PRKN: variants seen among roughly 807,000 people sequenced by gnomAD.
The protein encoded by PRKN is E3 ubiquitin-protein ligase parkin.
In PRKN, 56 loss-of-function variants were observed where a neutral mutation model predicts 59.5. That is an observed-to-expected ratio of 0.94 (90% CI 0.76 to 1.18). The LOEUF (loss-of-function observed/expected upper bound fraction) is 1.18. Ranked by LOEUF, PRKN falls within the 50% of genes most tolerant of loss-of-function variation. PRKN has a pLI of 0.00. For missense variants in PRKN, 657 were observed against 596.4 expected (o/e 1.10, Z -1.06); for synonymous variants, 250 against 222.1 (o/e 1.13, Z -1.12).
chr6:162,416,176 T>C lies in PRKN; in HGVS notation c.171+27134A>G, dbSNP rs79729905. ...TACCACTGCCATAACAATGACAAAA[T>C]TGTCGAGGGTGAGTATTTGTTTGCA... On this transcript the variant is annotated intron_variant, in intron 2 of 11. Coordinates refer to ENST00000366898, the MANE Select transcript of PRKN (RefSeq NM_004562.3). Among the ~76,000 whole-genome samples the C allele has an allele frequency of 2.7e-3, 414 of 152,256 alleles. 6 individuals are homozygous for C. Among genetic ancestry groups the C allele is most frequent in the South Asian group, 0.024 (118 of 4,818 alleles).
rs1474159670 is a variant in PRKN at position 161,348,776 on chromosome 6, T to C, written c.*1323A>G. 4.8e-6 allele frequency: 1 copy of C among 209,332 alleles called. No homozygotes were observed. The highest frequency in any genetic ancestry group is 5.9e-5 in the Admixed American group (1 of 16,924). 13.0% of individuals were successfully genotyped at this position (209,332 alleles called of 1,614,324 possible). A position where few individuals can be genotyped will look rare whatever the true frequency, so the allele number is the denominator to read the frequency against. ...ACGATCTTCCTGAGAAGTCAGACAA[T>C]ACAGGTAGAACAAAAGATAGTGGTT... is the stretch of plus-strand genomic sequence containing the variant. On this transcript the variant is annotated 3_prime_UTR_variant, in exon 12 of 12. Transcript: ENST00000366898. The surrounding 1 kb of genome is among the most constrained non-coding windows in gnomAD (Gnocchi z 4.9).
chr6:162,255,649 G>A (rs1051798640), intron 3 of PRKN, among the ~76,000 whole-genome samples: 1 of 152,202 alleles, frequency 6.6e-6, no homozygotes, highest in African/African-American at 2.4e-5. Flanking sequence ...GCAAGAAGTA[G>A]AGCCAAGACG....
At chr6:162,305,873 C>G (rs1267675657) in intron 2 of PRKN, among the ~76,000 whole-genome samples, 2 of 151,948 alleles carry the variant, frequency 1.3e-5, no homozygotes, top group Non-Finnish European at 2.9e-5. Flanking sequence ...GTATCTATAT[C>G]TGTTTTAGAT....
chr6:162,128,720 A>G (rs1781223976), intron 4 of PRKN, among the ~76,000 whole-genome samples: 1 of 152,190 alleles, frequency 6.6e-6, no homozygotes, highest in African/African-American at 2.4e-5. Flanking sequence ...GGCCTTTGGG[A>G]AGTGATTAGG....
chr6:161,667,818 A>C (rs1245058122), intron 7 of PRKN, among the ~76,000 whole-genome samples: 1 of 152,224 alleles, frequency 6.6e-6, no homozygotes, highest in Admixed American at 6.5e-5. Flanking sequence ...ATAATATTTA[A>C]ACTTTTCTTC....
intron 1 of PRKN, among the ~76,000 whole-genome samples, chr6:162,685,873 G>A (rs1779952027): frequency 6.6e-6 from 1 of 152,076 alleles, no homozygotes; most frequent in Non-Finnish European, 1.5e-5. Flanking sequence ...AAGTGTGAAG[G>A]TCAGTCTGCG....
chr6:162,413,502 A>C (rs1788454679), intron 2 of PRKN, among the ~76,000 whole-genome samples: 1 of 152,248 alleles, frequency 6.6e-6, no homozygotes, highest in South Asian at 2.1e-4. Context: ...TATTACTGAC[A>C]AAATGAAACA....
At chr6:161,750,129 A>T (rs1788622740) in intron 7 of PRKN, among the ~76,000 whole-genome samples, 1 of 139,698 alleles carries the variant, frequency 7.2e-6, no homozygotes, top group African/African-American at 2.8e-5. Flanking sequence ...ACACACACAC[A>T]CACACACACA....
intron 1 of PRKN, among the ~76,000 whole-genome samples, chr6:162,648,969 C>T (rs1286520438): frequency 1.3e-5 from 2 of 152,164 alleles, no homozygotes; most frequent in African/African-American, 2.4e-5. Context: ...GCAAAAACCA[C>T]GTTTCTTGAA....
At chr6:161,990,498 C>T (rs533851423) in intron 5 of PRKN, among the ~76,000 whole-genome samples, 12 of 151,966 alleles carry the variant, frequency 7.9e-5, no homozygotes, top group Non-Finnish European at 1.3e-4. Flanking sequence ...ATAAAAGATA[C>T]GAAATATCAG....
chr6:162,560,748 T>C (rs1244031164), intron 1 of PRKN, among the ~76,000 whole-genome samples: 1 of 149,118 alleles, frequency 6.7e-6, no homozygotes, highest in Non-Finnish European at 1.5e-5. Flanking sequence ...TGCCAACATA[T>C]ATTCATTCAA....
At chr6:161,646,764 G>A (rs1465522950) in intron 7 of PRKN, among the ~76,000 whole-genome samples, 1 of 152,164 alleles carries the variant, frequency 6.6e-6, no homozygotes, top group African/African-American at 2.4e-5. Flanking sequence ...GGGACCCTGG[G>A]AGTTGAATGC....
chr6:161,738,300 C>T (rs1788047596), intron 7 of PRKN, among the ~76,000 whole-genome samples: 1 of 152,172 alleles, frequency 6.6e-6, no homozygotes, highest in Admixed American at 6.5e-5. Flanking sequence ...TTCAAGCCAA[C>T]AGACGATTCT....
At chr6:162,385,819 A>T (rs1442522598) in intron 2 of PRKN, among the ~76,000 whole-genome samples, 1 of 152,158 alleles carries the variant, frequency 6.6e-6, no homozygotes, top group Non-Finnish European at 1.5e-5. Flanking sequence ...AATTAATTTC[A>T]ATCTTTTAAA....
intron 5 of PRKN, among the ~76,000 whole-genome samples, chr6:162,036,573 G>A (rs918685217): frequency 2.0e-5 from 3 of 151,484 alleles, no homozygotes; most frequent in African/African-American, 7.3e-5. Context: ...TAGAGACAGG[G>A]TTTCACCATG....
Position 162,462,078 on chromosome 6 carries a change from G to A in PRKN, c.8-18605C>T, listed in dbSNP as rs1349260580. 5.9e-5 allele frequency among the ~76,000 whole-genome samples: 9 copies of A among 152,264 alleles called. No individual in the cohort carries two copies. In the East Asian group the frequency reaches 1.7e-3, roughly 29 times the overall value. On this transcript the variant is annotated intron_variant, in intron 1 of 11. Transcript: ENST00000366898. The stretch of plus-strand genomic sequence containing the variant: ...AGGTATTTACAGTAGTGAGCAGAGA[G>A]CAGGCAGAGTCTTATATAACTGTGA...
At chr6:161,975,952 C>A (rs547108342) in intron 5 of PRKN, among the ~76,000 whole-genome samples, 2 of 152,068 alleles carry the variant, frequency 1.3e-5, no homozygotes, top group Non-Finnish European at 2.9e-5. Flanking sequence ...ATCGCCTAGG[C>A]TGGAATGCAT....
chr6:162,317,223 C>T (rs1158038243), intron 2 of PRKN, among the ~76,000 whole-genome samples: 2 of 152,058 alleles, frequency 1.3e-5, no homozygotes, highest in African/African-American at 4.8e-5. Context: ...AATCCTCTCA[C>T]ATCAAGGGCA....
At position 161,550,844 on chromosome 6, in the gene PRKN, C is replaced by A. The variant is rs1779987271; in HGVS notation, c.934-1841G>T. Among the ~76,000 whole-genome samples, 1 of 151,786 alleles carries A rather than the reference C, an allele frequency of 6.6e-6. No homozygotes were observed. The highest frequency in any genetic ancestry group is 1.5e-5 in the Non-Finnish European group (1 of 67,994). ...CTATTACACAGCGATGTCAAAATGTCCAGTATCTAATTGAATAAATAAGTG... is the reference window on the plus strand; with the variant it reads ...CTATTACACAGCGATGTCAAAATGTACAGTATCTAATTGAATAAATAAGTG... On this transcript the variant is annotated intron_variant, in intron 8 of 11. Coordinates refer to ENST00000366898, the MANE Select transcript of PRKN (RefSeq NM_004562.3). This position sits in a 1 kb window ranked among gnomAD's most constrained non-coding sequence, Gnocchi z 4.0.
Sources: allele counts gnomAD v4.1 joint callset (sites outside exome capture counted in the v4.1 genomes callset), GRCh38; gene constraint gnomAD v4.1.1; non-coding constraint Gnocchi (gnomAD v3.1); transcripts MANE v1.5; gene names NCBI Gene and HGNC (gene_info 2026-07-23, HGNC 2026-07-21).